KLF8: variants seen among roughly 807,000 people sequenced by gnomAD.
KLF8 encodes the protein KLF transcription factor 8, also known as Krueppel-like factor 8.
A neutral mutation model predicts 18.2 loss-of-function variants in KLF8; 10 were observed. That is an observed-to-expected ratio of 0.55 (90% CI 0.34 to 0.93). KLF8 has a LOEUF of 0.93. Ranked by LOEUF, KLF8 falls within the 40% of genes least tolerant of loss-of-function variation. KLF8 has a pLI of 0.02. For synonymous variants in KLF8, 109 were observed against 97.3 expected (o/e 1.12, Z -0.71); for missense variants, 264 against 277.9 (o/e 0.95, Z 0.36).
chrX:55,974,173 A>T, the KLF8 span, among the ~76,000 whole-genome samples: 1 of 111,334 alleles, frequency 9.0e-6, no homozygotes, highest in Non-Finnish European at 1.9e-5. Context: ...TGTAGACACC[A>T]GAACCTACTT....
At chrX:56,049,173 C>T in the KLF8 span, among the ~76,000 whole-genome samples, 16 of 111,405 alleles carry the variant, frequency 1.4e-4, no homozygotes, top group Admixed American at 1.9e-4. Context: ...TGGGCTGAGA[C>T]GATGGGGTTT....
the KLF8 span, among the ~76,000 whole-genome samples, chrX:56,150,937 T>C: frequency 1.8e-5 from 2 of 111,733 alleles, no homozygotes; most frequent in African/African-American, 6.5e-5. Context: ...AATGGATGAT[T>C]TGCCTTCCTC....
intron 5 of KLF8, among the ~76,000 whole-genome samples, chrX:56,276,457 C>T (rs1335439104): frequency 9.0e-6 from 1 of 111,281 alleles, no homozygotes; most frequent in Non-Finnish European, 1.9e-5. Context: ...AATCCCTCAG[C>T]TTTTGTTCAT....
At chrX:56,275,506 G>A (rs1214389612) in intron 5 of KLF8, among the ~76,000 whole-genome samples, 1 of 110,942 alleles carries the variant, frequency 9.0e-6, no homozygotes, top group Non-Finnish European at 1.9e-5. Context: ...TTTCTCATCT[G>A]ACTCCTCTAG....
chrX:56,231,003 A>G (rs1266090808), upstream of KLF8, among the ~76,000 whole-genome samples: 1 of 111,843 alleles, frequency 8.9e-6, no homozygotes, highest in Admixed American at 9.5e-5. Flanking sequence ...AAAAAGGTGG[A>G]CAGAGAGCTT....
At chrX:56,186,786 T>C in the KLF8 span, among the ~76,000 whole-genome samples, 1 of 112,002 alleles carries the variant, frequency 8.9e-6, no homozygotes, top group Non-Finnish European at 1.9e-5. Flanking sequence ...ACTGGGTACA[T>C]AACGAAATGA....
At chrX:56,221,444 G>T in the KLF8 span, among the ~76,000 whole-genome samples, 3 of 112,227 alleles carry the variant, frequency 2.7e-5, no homozygotes, top group African/African-American at 9.7e-5. Flanking sequence ...TATTGTGTCA[G>T]GAATTGGTGG....
chrX:56,197,086 T>C, the KLF8 span, among the ~76,000 whole-genome samples: 1 of 111,498 alleles, frequency 9.0e-6, no homozygotes, highest in Non-Finnish European at 1.9e-5. Flanking sequence ...CAGGGACACA[T>C]TTAAAGCAGT....
chrX:56,052,103 T>G, the KLF8 span, among the ~76,000 whole-genome samples: 4 of 112,102 alleles, frequency 3.6e-5, no homozygotes, highest in Non-Finnish European at 7.5e-5. Flanking sequence ...TTCTCAAGCC[T>G]TGGTTTTCAG....
chrX:55,980,687 TA>T, the KLF8 span, among the ~76,000 whole-genome samples: 1 of 112,089 alleles, frequency 8.9e-6, no homozygotes, highest in African/African-American at 3.2e-5. Flanking sequence ...GAGACATGGT[TA>T]AATCAATTGT....
the KLF8 span, among the ~76,000 whole-genome samples, chrX:56,058,259 CATATATATACATATATATACATATAT>C: frequency 1.1e-4 from 2 of 17,711 alleles, no homozygotes; most frequent in Admixed American, 8.6e-4. Flanking sequence ...TATATATACA[CATATATATACATATATATACATATAT>C]ATATATATAT....
the KLF8 span, among the ~76,000 whole-genome samples, chrX:56,034,590 T>C: frequency 9.0e-6 from 1 of 110,935 alleles, no homozygotes; most frequent in Admixed American, 9.6e-5. Flanking sequence ...CATATAGTGA[T>C]AAGATCAGGG....
At chrX:56,109,266 G>A in the KLF8 span, among the ~76,000 whole-genome samples, 1 of 110,025 alleles carries the variant, frequency 9.1e-6, no homozygotes. Flanking sequence ...ATAGTGGTGT[G>A]CACCTGTAGT....
At chrX:56,053,652 G>T in the KLF8 span, among the ~76,000 whole-genome samples, 2 of 102,527 alleles carry the variant, frequency 2.0e-5, no homozygotes, top group African/African-American at 6.9e-5. Context: ...TTTTTTAATT[G>T]GTAGGCTATT....
At chrX:55,981,360 C>T in the KLF8 span, among the ~76,000 whole-genome samples, 3 of 111,919 alleles carry the variant, frequency 2.7e-5, no homozygotes, top group Non-Finnish European at 5.6e-5. Context: ...TAGGGCTACA[C>T]TATTGGCAGC....
chrX:55,956,117 ATATC>A, the KLF8 span, among the ~76,000 whole-genome samples: 3 of 84,257 alleles, frequency 3.6e-5, no homozygotes, highest in African/African-American at 1.1e-4. Context: ...CTTCTAATAA[ATATC>A]TATCTATTTA....
chrX:56,213,853 A>T, the KLF8 span, among the ~76,000 whole-genome samples: 1 of 111,492 alleles, frequency 9.0e-6, no homozygotes, highest in East Asian at 2.8e-4. Context: ...TCAGTGTGAC[A>T]GGCTTCTGTA....
the KLF8 span, among the ~76,000 whole-genome samples, chrX:56,211,564 T>G: frequency 8.9e-6 from 1 of 112,188 alleles, no homozygotes; most frequent in Non-Finnish European, 1.9e-5. Flanking sequence ...GCCCTAGGGC[T>G]CTACAGTTAG....
At chrX:56,187,851 T>A in the KLF8 span, among the ~76,000 whole-genome samples, 3 of 111,874 alleles carry the variant, frequency 2.7e-5, no homozygotes, top group Non-Finnish European at 5.6e-5. Context: ...TCTCAATAAA[T>A]TAGGTATTGA....
Sources: gnomAD v4.1 joint callset for allele counts (sites outside exome capture counted in the v4.1 genomes callset) on GRCh38, gnomAD v4.1.1 for gene constraint, MANE v1.5 for transcripts, NCBI Gene and HGNC (gene_info 2026-07-23, HGNC 2026-07-21) for gene names.